The following PDZD2 variants were observed in gnomAD, a reference collection of about 807,000 sequenced individuals.
The protein encoded by PDZD2 is PDZ domain-containing protein 2.
PDZD2 carries 90 observed loss-of-function variants against 220.7 expected under a neutral mutation model. The observed-to-expected ratio is 0.41, with a 90% CI of 0.34 to 0.49. The LOEUF is 0.49. Among genes scored for constraint, PDZD2 ranks in the 20% least tolerant of loss-of-function variants. The pLI, the probability that PDZD2 is intolerant of heterozygous loss-of-function variation, is 0.28. For missense variants in PDZD2, 3,174 were observed against 3,608.5 expected, an observed-to-expected ratio of 0.88 and a Z score of 3.08; for synonymous variants, 1,375 against 1,450.5, an observed-to-expected ratio of 0.95 and a Z score of 1.18.
intron 7 of PDZD2, among the ~76,000 whole-genome samples, chr5:32,041,087 G>A (rs1287875794): frequency 2.1e-5 from 3 of 141,532 alleles, no homozygotes; most frequent in Non-Finnish European, 4.5e-5. Context: ...CTGTCCGGCC[G>A]CCCCATCTAG....
chr5:31,983,063 G>A (rs1216827986), intron 2 of PDZD2, 92 bp from the exon 3 acceptor site: 12 of 1,365,594 alleles, frequency 8.8e-6, no homozygotes, highest in South Asian at 8.4e-5. Flanking sequence ...CCAACTGGTC[G>A]TCACTTGGGT....
At chr5:31,645,615 G>T (rs370250817) in intron 1 of PDZD2, among the ~76,000 whole-genome samples, 1 of 152,162 alleles carries the variant, frequency 6.6e-6, no homozygotes, top group African/African-American at 2.4e-5. Context: ...GATTACAGGC[G>T]TGAGCCGCTG....
At chr5:31,674,989 C>A (rs555590639) in intron 1 of PDZD2, among the ~76,000 whole-genome samples, 1 of 152,270 alleles carries the variant, frequency 6.6e-6, no homozygotes, top group South Asian at 2.1e-4. Flanking sequence ...TCTGTGCTAA[C>A]CACCCTGTAT....
At chr5:32,019,901 G>C (rs1754063853) in intron 6 of PDZD2, among the ~76,000 whole-genome samples, 1 of 151,866 alleles carries the variant, frequency 6.6e-6, no homozygotes, top group Admixed American at 6.6e-5. Flanking sequence ...TTTCATTAGT[G>C]TTCCAAGAAG....
At chr5:31,985,649 G>A (rs140088800) in intron 3 of PDZD2, among the ~76,000 whole-genome samples, 2 of 151,824 alleles carry the variant, frequency 1.3e-5, no homozygotes, top group East Asian at 1.9e-4. Flanking sequence ...GCCAGGAATC[G>A]CACCACCACC....
Position 31,669,899 on chromosome 5 carries a change from G to A in PDZD2, c.-361+30462G>A, listed in dbSNP as rs557098853. Among the ~76,000 whole-genome samples, 5 of 152,258 alleles carry A rather than the reference G, an allele frequency of 3.3e-5. No homozygotes were observed. In the South Asian group the frequency reaches 1.0e-3, roughly 32 times the overall value. ...TAATAATGTTGAGAACATTTGCTGAGTGTTTACTCTGAGCCAGGACTATAC... is the reference window on the plus strand; with the variant it reads ...TAATAATGTTGAGAACATTTGCTGAATGTTTACTCTGAGCCAGGACTATAC... On this transcript the variant is annotated intron_variant, in intron 1 of 24. Transcript: ENST00000438447.
intron 21 of PDZD2, among the ~76,000 whole-genome samples, chr5:32,093,884 G>A (rs1022703265): frequency 7.9e-5 from 12 of 152,092 alleles, no homozygotes; most frequent in African/African-American, 2.2e-4. Context: ...AGGCTAAGGC[G>A]AGAGGATTGC....
At chr5:32,031,816 T>C (rs1422116882) in intron 6 of PDZD2, among the ~76,000 whole-genome samples, 7 of 152,188 alleles carry the variant, frequency 4.6e-5, no homozygotes, top group Non-Finnish European at 8.8e-5. Context: ...TGTAAGACAA[T>C]TGCAAGGTAT....
At chr5:31,920,058 T>C (rs887553046) in intron 2 of PDZD2, among the ~76,000 whole-genome samples, 1 of 151,852 alleles carries the variant, frequency 6.6e-6, no homozygotes, top group Non-Finnish European at 1.5e-5. Flanking sequence ...GAGGCTAAAG[T>C]GGCCTTCTTG....
At chr5:31,679,654 T>TGC (rs796137053) in intron 1 of PDZD2, among the ~76,000 whole-genome samples, 4 of 152,276 alleles carry the variant, frequency 2.6e-5, no homozygotes, top group African/African-American at 9.6e-5. Context: ...ATTACAGATG[T>TGC]GCACCACCAC....
chr5:32,020,028 A>G (rs886744616), intron 6 of PDZD2, among the ~76,000 whole-genome samples: 1 of 151,222 alleles, frequency 6.6e-6, no homozygotes, highest in Non-Finnish European at 1.5e-5. Flanking sequence ...AATGTAAAGT[A>G]GAATATATAT....
intron 7 of PDZD2, among the ~76,000 whole-genome samples, chr5:32,041,238 C>T (rs528633133): frequency 2.7e-4 from 35 of 131,796 alleles, no homozygotes; most frequent in African/African-American, 8.8e-4. Context: ...CCCGGCCGCC[C>T]ATCGTCTGGG....
chr5:31,656,586 C>T (rs148492127), intron 1 of PDZD2, among the ~76,000 whole-genome samples: 19 of 152,272 alleles, frequency 1.2e-4, no homozygotes, highest in South Asian at 1.0e-3. Flanking sequence ...TGTCACTCAG[C>T]GTAAACACCT....
chr5:31,642,063 G>A (rs536654672), intron 1 of PDZD2, among the ~76,000 whole-genome samples: 1 of 152,228 alleles, frequency 6.6e-6, no homozygotes, highest in African/African-American at 2.4e-5. Context: ...ATACCCCCTT[G>A]CCTTTGATCA....
At chr5:31,788,699 A>AATAAATAAAATAAC (rs1753530012) in intron 1 of PDZD2, among the ~76,000 whole-genome samples, 1 of 152,074 alleles carries the variant, frequency 6.6e-6, no homozygotes, top group Non-Finnish European at 1.5e-5. Context: ...AATAAAATAA[A>AATAAATAAAATAAC]ATTAGCTCTC....
intron 2 of PDZD2, among the ~76,000 whole-genome samples, chr5:31,929,213 A>G (rs754577994): frequency 1.6e-4 from 25 of 152,088 alleles, no homozygotes; most frequent in Admixed American, 1.1e-3. Context: ...ATTTTGTCCA[A>G]CCTGCTTCTC....
chr5:31,646,809 G>A lies in PDZD2; in HGVS notation c.-361+7372G>A, dbSNP rs1011560268. ...ACTGCCCACTCTCCACTCCTACCCC[G>A]CCCTGGCCACCTTAATTCCCAGTAT... is the stretch of plus-strand genomic sequence containing the variant. On this transcript the variant is annotated intron_variant, in intron 1 of 24. Transcript: ENST00000438447. This position sits in a 1 kb window ranked among gnomAD's most constrained non-coding sequence, Gnocchi z 4.7. Among the ~76,000 whole-genome samples, 5 of 152,188 alleles carry A rather than the reference G, an allele frequency of 3.3e-5. No homozygotes were observed. Among genetic ancestry groups the A allele is most frequent in the Middle Eastern group, 3.4e-3 (1 of 294 alleles).
chr5:31,870,130 G>C (rs989596782), intron 2 of PDZD2, among the ~76,000 whole-genome samples: 12 of 152,176 alleles, frequency 7.9e-5, no homozygotes, highest in Non-Finnish European at 1.6e-4. Flanking sequence ...TTCCTCCGGA[G>C]TTCCCTAGCT....
rs935796584 is a variant in PDZD2 at position 31,779,530 on chromosome 5, C to A, written c.-360-19359C>A. Among the ~76,000 whole-genome samples, 4 of 151,868 alleles carry A rather than the reference C, an allele frequency of 2.6e-5. No individual in the cohort carries two copies. The East Asian group carries it at 5.8e-4, about 22-fold the overall frequency. ...CTGGGACTACAGGCGCCCGCCACCA[C>A]GCCCGGCTAACTTTTTGTATTTTTA... On this transcript the variant is annotated intron_variant, in intron 1 of 24. Coordinates refer to ENST00000438447, the MANE Select transcript of PDZD2 (RefSeq NM_178140.4).
Sources: allele counts gnomAD v4.1 joint callset (sites outside exome capture counted in the v4.1 genomes callset), GRCh38; gene constraint gnomAD v4.1.1; non-coding constraint Gnocchi (gnomAD v3.1); transcripts MANE v1.5; gene names NCBI Gene and HGNC (gene_info 2026-07-23, HGNC 2026-07-21).